The following LIPI variants were observed in gnomAD, a reference collection of about 807,000 sequenced individuals.
The protein encoded by LIPI is lipase I, also known as lipase member I.
In LIPI, 59 loss-of-function variants were observed where a neutral mutation model predicts 50.6. The observed-to-expected ratio is 1.16, with a 90% CI of 0.94 to 1.45. The LOEUF is 1.45. Among genes scored for constraint, LIPI ranks in the 40% most tolerant of loss-of-function variants. The pLI is 0.00. For missense variants in LIPI, 586 were observed against 536.3 expected (o/e 1.09, Z -0.92); for synonymous variants, 203 against 178.2 (o/e 1.14, Z -1.11).
At chr21:14,191,892 G>C (rs1485902912) in intron 1 of LIPI, among the ~76,000 whole-genome samples, 1 of 152,204 alleles carries the variant, frequency 6.6e-6, no homozygotes, top group Admixed American at 6.5e-5. Context: ...AGGAAAGACA[G>C]TTGTAACAGT....
chr21:14,147,430 G>A (rs2123073551), intron 8 of LIPI, among the ~76,000 whole-genome samples: 1 of 152,184 alleles, frequency 6.6e-6, no homozygotes, highest in South Asian at 2.1e-4. Context: ...TCTCACCACA[G>A]TATCCCCAGC....
intron 8 of LIPI, among the ~76,000 whole-genome samples, chr21:14,151,652 G>A (rs1179368942): frequency 6.6e-6 from 1 of 152,040 alleles, no homozygotes; most frequent in Non-Finnish European, 1.5e-5. Flanking sequence ...CAACTATATG[G>A]TAGTGTGCCC....
At chr21:14,126,265 A>C (rs577420757) in intron 9 of LIPI, among the ~76,000 whole-genome samples, 8 of 152,340 alleles carry the variant, frequency 5.3e-5, no homozygotes, top group African/African-American at 1.9e-4. Flanking sequence ...TAACAGCAGC[A>C]TTATTATAAA....
At chr21:14,164,380 A>T (rs1210548329) in intron 6 of LIPI, among the ~76,000 whole-genome samples, 1 of 152,198 alleles carries the variant, frequency 6.6e-6, no homozygotes. Context: ...GGTGTCTTAT[A>T]GACAGAAAAG....
rs2018829578 is a variant in LIPI, at chr21:14,169,882, A to G, written c.644-3431T>C. ...TAAAATCAGAGCAGAACTGAAGGAA[A>G]TAGAGACACAAAAAACCCTTCAAAA... On this transcript the variant is annotated intron_variant, in intron 4 of 9. Coordinates refer to ENST00000681601, the MANE Select transcript of LIPI (RefSeq NM_001302998.2). Among the ~76,000 whole-genome samples, 3 of 152,184 alleles carry G rather than the reference A, an allele frequency of 2.0e-5. No homozygotes were observed. The South Asian group carries it at 6.2e-4, about 32-fold the overall frequency.
chr21:14,180,715 A>T (rs2019242058), intron 4 of LIPI, among the ~76,000 whole-genome samples: 1 of 152,226 alleles, frequency 6.6e-6, no homozygotes, highest in Non-Finnish European at 1.5e-5. Flanking sequence ...TGCTTATAGA[A>T]GTAGGTGAAC....
chr21:14,137,225 A>C (rs2017531631), intron 9 of LIPI, among the ~76,000 whole-genome samples: 1 of 152,214 alleles, frequency 6.6e-6, no homozygotes, highest in Non-Finnish European at 1.5e-5. Flanking sequence ...CATGACATCA[A>C]CAAAGGAACT....
In LIPI at chr21:14,206,707, T is replaced by C. The variant is rs1233933689; in HGVS notation, c.46+4093A>G. 22 of 705,672 alleles carry C rather than the reference T, an allele frequency of 3.1e-5. No individual in the cohort carries two copies. The Admixed American group carries it at 4.8e-4, about 15-fold the overall frequency. 43.7% of individuals were successfully genotyped at this position (705,672 alleles called of 1,614,324 possible). A position where few individuals can be genotyped will look rare whatever the true frequency, so the allele number is the denominator to read the frequency against. ...AACAACAACAATATTAACCACATGA[T>C]AATAGTTTATATTCAGCTATCACTT... On this transcript the variant is annotated intron_variant, in intron 1 of 9. Coordinates refer to ENST00000681601, the MANE Select transcript of LIPI (RefSeq NM_001302998.2).
At chr21:14,161,780 ATAAT>A in intron 7 of LIPI, among the ~76,000 whole-genome samples, 1 of 53,922 alleles carries the variant, frequency 1.9e-5, no homozygotes, top group Non-Finnish European at 3.0e-5. Context: ...ATATTAATAT[ATAAT>A]ATATACATTA....
intron 4 of LIPI, among the ~76,000 whole-genome samples, chr21:14,181,153 G>A (rs2019256275): frequency 6.6e-6 from 1 of 152,112 alleles, no homozygotes; most frequent in Non-Finnish European, 1.5e-5. Flanking sequence ...TATAGGAAGT[G>A]CTCAGTAAAT....
At chr21:14,165,174 G>A in intron 6 of LIPI, 49 bp downstream of exon 6, 1 of 1,350,080 alleles carries the variant, frequency 7.4e-7, no homozygotes. Flanking sequence ...TAACAATTAT[G>A]TTATTCATAT....
chr21:14,199,146 GA>G (rs1307682691), intron 1 of LIPI, among the ~76,000 whole-genome samples: 1 of 151,996 alleles, frequency 6.6e-6, no homozygotes, highest in African/African-American at 2.4e-5. Flanking sequence ...CAAAAAGTTA[GA>G]AAGATCTCAA....
At chr21:14,194,689 G>T (rs892188260) in intron 1 of LIPI, among the ~76,000 whole-genome samples, 1 of 152,056 alleles carries the variant, frequency 6.6e-6, no homozygotes, top group Non-Finnish European at 1.5e-5. Context: ...AGAGTTGATG[G>T]GTACAGAATT....
At position 14,152,581 on chromosome 21, in the gene LIPI, C is replaced by T; in HGVS notation, c.1110G>A (p.Arg370=). Residue 370 remains arginine (R), a synonymous_variant, in exon 8 of 10, where the codon AGG becomes AGA. Coordinates refer to ENST00000681601, the MANE Select transcript of LIPI (RefSeq NM_001302998.2). The part of the protein sequence containing the change: ...LNQLGMIEEP[R]LYEKNKPFYK... ...TAGTAAATTTTACTTACTCATAAAG[C>T]CTTGGCTCTTCAATCATTCCAAGCT... is the stretch of plus-strand genomic sequence containing the variant. 1.3e-6 allele frequency: 2 copies of T among 1,535,970 alleles called. No individual in the cohort carries two copies. Among genetic ancestry groups the T allele is most frequent in the Non-Finnish European group, 1.8e-6 (2 of 1,111,690 alleles).
At chr21:14,192,655 G>T (rs989818804) in intron 1 of LIPI, among the ~76,000 whole-genome samples, 6 of 152,124 alleles carry the variant, frequency 3.9e-5, no homozygotes, top group Non-Finnish European at 5.9e-5. Context: ...ATTATAAGTG[G>T]ACTCTTCAGC....
In LIPI at chr21:14,197,784, T is replaced by G. The variant is rs549898629; in HGVS notation, c.47-8365A>C. ...AATGCAAAGAACCTCAGTAAGATAC[T>G]TCACAAGAAGATCATCCCCAAGACA... On this transcript the variant is annotated intron_variant, in intron 1 of 9. Transcript: ENST00000681601. Among the ~76,000 whole-genome samples, 9 of 151,900 alleles carry G rather than the reference T, an allele frequency of 5.9e-5. No individual in the cohort carries two copies. In the South Asian group the frequency reaches 1.9e-3, roughly 32 times the overall value.
At chr21:14,138,861 T>C (rs1039581697) in intron 9 of LIPI, among the ~76,000 whole-genome samples, 10 of 152,126 alleles carry the variant, frequency 6.6e-5, no homozygotes, top group South Asian at 4.1e-4. Flanking sequence ...AACACTTATA[T>C]GCCAGGCAAT....
intron 4 of LIPI, among the ~76,000 whole-genome samples, chr21:14,179,923 C>A (rs897751824): frequency 1.3e-5 from 2 of 152,104 alleles, no homozygotes; most frequent in Non-Finnish European, 1.5e-5. Flanking sequence ...TGGGGTCGGG[C>A]AAAAAGAGCC....
In LIPI at chr21:14,108,962, C is replaced by A. The variant is rs754022975; in HGVS notation, c.*31G>T. 1 of 1,610,442 alleles carries A rather than the reference C, an allele frequency of 6.2e-7. No homozygotes were observed. Among genetic ancestry groups the A allele is most frequent in the Non-Finnish European group, 8.5e-7 (1 of 1,177,384 alleles). ...TTTCATTTACAAGTCCATTAATTCA[C>A]AAGCAAGTGCATTTGATGGAAGAAG... On this transcript the variant is annotated 3_prime_UTR_variant, in exon 10 of 10. Coordinates refer to ENST00000681601, the MANE Select transcript of LIPI (RefSeq NM_001302998.2).
Sources: gnomAD v4.1 joint callset for allele counts (sites outside exome capture counted in the v4.1 genomes callset) on GRCh38, gnomAD v4.1.1 for gene constraint, MANE v1.5 for transcripts, NCBI Gene and HGNC (gene_info 2026-07-23, HGNC 2026-07-21) for gene names.